BCAS3: variants seen among roughly 807,000 people sequenced by gnomAD.
The protein encoded by BCAS3 is BCAS3 microtubule associated cell migration factor, also known as BCAS4/BCAS3 fusion.
A neutral mutation model predicts 116.1 loss-of-function variants in BCAS3; 53 were observed. The ratio of observed to expected loss-of-function variants is 0.46; its 90% confidence interval spans 0.37 to 0.57. BCAS3 has a LOEUF of 0.57. BCAS3 is among the 20% of genes least tolerant of loss of function. The pLI is 0.00. For missense variants in BCAS3, 917 were observed against 1,165.4 expected (o/e 0.79, Z 3.10); for synonymous variants, 391 against 408.2 (o/e 0.96, Z 0.51).
intron 7 of BCAS3, among the ~76,000 whole-genome samples, chr17:60,842,667 C>T (rs1054166172): frequency 2.0e-5 from 3 of 152,056 alleles, no homozygotes; most frequent in Non-Finnish European, 2.9e-5. Context: ...AAGCAGTGCT[C>T]ACATTTGCTT....
intron 2 of BCAS3, among the ~76,000 whole-genome samples, chr17:60,683,189 A>G (rs1053455284): frequency 2.0e-5 from 3 of 152,190 alleles, no homozygotes; most frequent in African/African-American, 4.8e-5. Flanking sequence ...CTGACCTGCT[A>G]TATACAGGTA....
chr17:61,038,603 A>T (rs1398462257), intron 18 of BCAS3, among the ~76,000 whole-genome samples: 1 of 150,634 alleles, frequency 6.6e-6, no homozygotes, highest in Non-Finnish European at 1.5e-5. Flanking sequence ...AATTTCTTAA[A>T]TCTCACTTTC....
rs909574425 is a variant in BCAS3, at chr17:61,196,203, C to T, written c.2425+111639C>T. On this transcript the variant is annotated intron_variant, in intron 22 of 23. Coordinates refer to ENST00000407086, the MANE Select transcript of BCAS3 (RefSeq NM_017679.5). The surrounding 1 kb of genome is among the most constrained non-coding windows in gnomAD (Gnocchi z 4.7). The stretch of plus-strand genomic sequence containing the variant: ...CTGAACTACTAGAGAGACGTTATTC[C>T]GTAACACAGTGAATCTCAGAATTTA... Among the ~76,000 whole-genome samples the T allele has an allele frequency of 6.6e-6, 1 of 152,142 alleles. No individual in the cohort carries two copies. The highest frequency in any genetic ancestry group is 2.4e-5 in the African/African-American group (1 of 41,412).
Position 61,368,275 on chromosome 17 carries a change from C to G in BCAS3, c.2426-52C>G. 1 of 1,533,162 alleles carries G rather than the reference C, an allele frequency of 6.5e-7. No homozygotes were observed. Among genetic ancestry groups the G allele is most frequent in the Non-Finnish European group, 8.8e-7 (1 of 1,130,334 alleles). 95.0% of individuals were successfully genotyped at this position (1,533,162 alleles called of 1,614,324 possible). A position where few individuals can be genotyped will look rare whatever the true frequency, so the allele number is the denominator to read the frequency against. On this transcript the variant is annotated intron_variant, in intron 22 of 23. Coordinates refer to ENST00000407086, the MANE Select transcript of BCAS3 (RefSeq NM_017679.5). The surrounding 1 kb of genome is among the most constrained non-coding windows in gnomAD (Gnocchi z 6.0). The stretch of plus-strand genomic sequence containing the variant: ...GCGGGTGGGAGGTAGACAAGAATGG[C>G]CTGCTCCCTGAAGGTGTGGACTCAA...
In BCAS3 at chr17:61,276,354, AAAAC is replaced by A. The variant is rs201580032; in HGVS notation, c.2426-91953_2426-91950del. ...GGCTACAGGACGAGACTCCATCTCA[AAAAC>A]AAACAAACAAACAAACAAAAATCAC... On this transcript the variant is annotated intron_variant, in intron 22 of 23. Transcript: ENST00000407086. This position sits in a 1 kb window ranked among gnomAD's most constrained non-coding sequence, Gnocchi z 4.2. Among the ~76,000 whole-genome samples, 677 of 152,268 alleles carry A rather than the reference AAAAC, an allele frequency of 4.4e-3. 6 individuals carry two copies. The highest frequency in any genetic ancestry group is 0.016 in the African/African-American group (653 of 41,544).
intron 22 of BCAS3, among the ~76,000 whole-genome samples, chr17:61,086,169 G>A (rs569551563): frequency 3.9e-5 from 6 of 152,220 alleles, no homozygotes; most frequent in African/African-American, 1.4e-4. Flanking sequence ...GCTCACTGCA[G>A]CCTCTGCCTC....
chr17:61,147,858 T>C lies in BCAS3; in HGVS notation c.2425+63294T>C, dbSNP rs1267507020. Among the ~76,000 whole-genome samples the C allele has an allele frequency of 2.6e-5, 4 of 152,056 alleles. No individual in the cohort carries two copies. In the East Asian group the frequency reaches 5.9e-4, roughly 22 times the overall value. On this transcript the variant is annotated intron_variant, in intron 22 of 23. Coordinates refer to ENST00000407086, the MANE Select transcript of BCAS3 (RefSeq NM_017679.5). The stretch of plus-strand genomic sequence containing the variant: ...AAAATTAGTCAGGCGTGGTGGTGCA[T>C]GCCTGTAATCCCAGCTACTCGGGAG...
At chr17:60,768,782 C>G (rs780147799) in intron 6 of BCAS3, among the ~76,000 whole-genome samples, 1 of 152,134 alleles carries the variant, frequency 6.6e-6, no homozygotes, top group East Asian at 1.9e-4. Context: ...TCTTTCTGCT[C>G]CAGGATGGCT....
At chr17:60,856,698 A>T (rs934065967) in intron 7 of BCAS3, among the ~76,000 whole-genome samples, 7 of 149,846 alleles carry the variant, frequency 4.7e-5, no homozygotes, top group African/African-American at 9.9e-5. Context: ...CCAAAAAAAT[A>T]AAAAAAAAAT....
chr17:60,905,637 T>TG (rs2058149086), intron 11 of BCAS3, among the ~76,000 whole-genome samples: 1 of 152,196 alleles, frequency 6.6e-6, no homozygotes. Flanking sequence ...GTCATTTGTC[T>TG]GGGGTAATAC....
rs994168634 is a variant in BCAS3, at chr17:61,186,446, T to C, written c.2425+101882T>C. ...TTTATCTTAGCTCTGTTTTCAGTGG[T>C]ATACACATGTCAATTTATGCTGCGT... On this transcript the variant is annotated intron_variant, in intron 22 of 23. Coordinates refer to ENST00000407086, the MANE Select transcript of BCAS3 (RefSeq NM_017679.5). This position sits in a 1 kb window ranked among gnomAD's most constrained non-coding sequence, Gnocchi z 4.9. Among the ~76,000 whole-genome samples the C allele has an allele frequency of 2.0e-5, 3 of 152,212 alleles. No individual in the cohort carries two copies. The highest frequency in any genetic ancestry group is 4.4e-5 in the Non-Finnish European group (3 of 68,034).
chr17:60,834,057 G>T (rs1317228486), intron 7 of BCAS3, among the ~76,000 whole-genome samples: 1 of 152,002 alleles, frequency 6.6e-6, no homozygotes, highest in Non-Finnish European at 1.5e-5. Flanking sequence ...CTAATAACAG[G>T]AAAGAGAAAT....
At chr17:60,879,584 C>T (rs953218801) in intron 9 of BCAS3, among the ~76,000 whole-genome samples, 59 of 152,172 alleles carry the variant, frequency 3.9e-4, no homozygotes, top group Middle Eastern at 3.4e-3. Context: ...AGACAAAGAC[C>T]GATAGATGTC....
chr17:61,162,625 CA>C lies in BCAS3; in HGVS notation c.2425+78063del, dbSNP rs1214894487. Among the ~76,000 whole-genome samples, 2 of 152,100 alleles carry C rather than the reference CA, an allele frequency of 1.3e-5. No individual in the cohort carries two copies. The highest frequency in any genetic ancestry group is 4.8e-5 in the African/African-American group (2 of 41,386). On this transcript the variant is annotated intron_variant, in intron 22 of 23. Transcript: ENST00000407086. The surrounding 1 kb of genome is among the most constrained non-coding windows in gnomAD (Gnocchi z 5.6). ...CTGCATTTATTTTAGCAGACTTCCC[CA>C]ATAACATTTTGCAGTTTTCAGCTTT...
At position 61,007,789 on chromosome 17, in the gene BCAS3, C is replaced by G. The variant is rs1277313532; in HGVS notation, c.1487-7962C>G. ...TCTCTAATCTTCCTACCTTCTCACC[C>G]TTTCTCAAAGTACCTACAGTAATGT... On this transcript the variant is annotated intron_variant, in intron 15 of 23. Coordinates refer to ENST00000407086, the MANE Select transcript of BCAS3 (RefSeq NM_017679.5). The surrounding 1 kb of genome is among the most constrained non-coding windows in gnomAD (Gnocchi z 4.3). Among the ~76,000 whole-genome samples the G allele has an allele frequency of 6.6e-6, 1 of 151,980 alleles. No individual in the cohort carries two copies. The highest frequency in any genetic ancestry group is 1.9e-4 in the East Asian group (1 of 5,188).
At chr17:60,983,688 A>G (rs140882576) in intron 14 of BCAS3, among the ~76,000 whole-genome samples, 10 of 152,300 alleles carry the variant, frequency 6.6e-5, no homozygotes, top group African/African-American at 2.4e-4. Context: ...TTATTGACAG[A>G]CCAGGAAGTG....
intron 9 of BCAS3, 59 bp downstream of exon 9, chr17:60,874,797 C>T (rs921232086): frequency 9.6e-7 from 1 of 1,046,614 alleles, no homozygotes; most frequent in East Asian, 2.5e-5. Flanking sequence ...TTACTTGACA[C>T]AATCAGCAAA....
intron 22 of BCAS3, among the ~76,000 whole-genome samples, chr17:61,275,191 G>A (rs2050666851): frequency 6.6e-6 from 1 of 152,076 alleles, no homozygotes; most frequent in African/African-American, 2.4e-5. Flanking sequence ...CTAATAAGAA[G>A]TTTAACAGCA....
chr17:61,207,077 T>C (rs1162069627), intron 22 of BCAS3, among the ~76,000 whole-genome samples: 1 of 152,164 alleles, frequency 6.6e-6, no homozygotes, highest in Non-Finnish European at 1.5e-5. Context: ...TATTTGTTCT[T>C]TCTTAGCACC....
Sources: allele counts gnomAD v4.1 joint callset (sites outside exome capture counted in the v4.1 genomes callset), GRCh38; gene constraint gnomAD v4.1.1; non-coding constraint Gnocchi (gnomAD v3.1); transcripts MANE v1.5; gene names NCBI Gene and HGNC (gene_info 2026-07-23, HGNC 2026-07-21).